The following PLCG1 variants were observed in gnomAD, a reference collection of about 807,000 sequenced individuals.
The protein encoded by PLCG1 is phospholipase C gamma 1.
Under a neutral mutation model 177.8 loss-of-function variants are expected in PLCG1, and 71 were observed. The observed-to-expected ratio is 0.40, with a 90% CI of 0.33 to 0.49. The LOEUF (loss-of-function observed/expected upper bound fraction) is 0.49. Ranked by LOEUF, PLCG1 falls within the 20% of genes least tolerant of loss-of-function variation. The pLI is 0.72. For synonymous variants in PLCG1, 658 were observed against 647.9 expected (o/e 1.02, Z -0.24); for missense variants, 1,281 against 1,709.0 (o/e 0.75, Z 4.42).
Position 41,164,301 on chromosome 20 carries a change from C to T in PLCG1, c.1217+100C>T. The T allele has an allele frequency of 1.7e-6, 2 of 1,186,576 alleles. No homozygotes were observed. Among genetic ancestry groups the T allele is most frequent in the South Asian group, 1.3e-5 (1 of 75,946 alleles). 73.5% of individuals were successfully genotyped at this position (1,186,576 alleles called of 1,614,324 possible). A position where few individuals can be genotyped will look rare whatever the true frequency, so the allele number is the denominator to read the frequency against. On this transcript the variant is annotated intron_variant, in intron 12 of 31. Coordinates refer to ENST00000685551, the MANE Select transcript of PLCG1 (RefSeq NM_002660.3). This position sits in a 1 kb window ranked among gnomAD's most constrained non-coding sequence, Gnocchi z 6.4. ...AGACTCCTCAAATGCCCTGTCCCCT[C>T]TCCCTCAGCCTTTCATCTTTGTCCT...
At chr20:41,140,539 C>G (rs1165375597) in intron 1 of PLCG1, among the ~76,000 whole-genome samples, 12 of 152,186 alleles carry the variant, frequency 7.9e-5, no homozygotes. Flanking sequence ...GAGGGAGAGA[C>G]AGTGTGGTTT....
chr20:41,165,466 A>G lies in PLCG1; in HGVS notation c.1526A>G (p.Tyr509Cys). Residue 509 changes from tyrosine (Y) to cysteine (C), a missense_variant, in exon 15 of 32, where the codon TAC (tyrosine) becomes TGC (cysteine). Tyr to Cys is a radical substitution (Grantham distance 194). Transcript: ENST00000685551. This position sits in a 1 kb window ranked among gnomAD's most constrained non-coding sequence, Gnocchi z 6.6. ...DPVNHEWYPH[Y>C]FVLTSSKIYY... ...CTGTTCCAGGAATGGTATCCCCACT[A>G]CTTTGTTCTGACCAGCAGCAAGATC... 1 of 1,613,988 alleles carries G rather than the reference A, an allele frequency of 6.2e-7. No individual in the cohort carries two copies. Among genetic ancestry groups the G allele is most frequent in the Non-Finnish European group, 8.5e-7 (1 of 1,179,944 alleles).
Position 41,146,905 on chromosome 20 carries a change from T to C in PLCG1, c.217+9047T>C, listed in dbSNP as rs1163073959. Among the ~76,000 whole-genome samples, 1 of 151,394 alleles carries C rather than the reference T, an allele frequency of 6.6e-6. No individual in the cohort carries two copies. Among genetic ancestry groups the C allele is most frequent in the Non-Finnish European group, 1.5e-5 (1 of 67,858 alleles). ...CAGGGTGACTAACCCTAGGAAGGAG[T>C]GAAGGAGAGCTCCAGTTGGCCATAG... On this transcript the variant is annotated intron_variant, in intron 1 of 31. Coordinates refer to ENST00000685551, the MANE Select transcript of PLCG1 (RefSeq NM_002660.3). The surrounding 1 kb of genome is among the most constrained non-coding windows in gnomAD (Gnocchi z 6.3).
chr20:41,173,616 A>G lies in PLCG1; in HGVS notation c.3395-36A>G, dbSNP rs2035972208. 1.2e-6 allele frequency: 2 copies of G among 1,614,002 alleles called. No homozygotes were observed. Among genetic ancestry groups the G allele is most frequent in the Non-Finnish European group, 1.7e-6 (2 of 1,179,980 alleles). ...CCCACCAGTCATCCCATCCTCTCCC[A>G]CGGTGACCTGAAGCCTTTTGTCGTT... On this transcript the variant is annotated intron_variant, in intron 28 of 31. Transcript: ENST00000685551. The surrounding 1 kb of genome is among the most constrained non-coding windows in gnomAD (Gnocchi z 6.2).
At position 41,159,865 on chromosome 20, in the gene PLCG1, C is replaced by T. The variant is rs942745630; in HGVS notation, c.371-5C>T. 4 of 1,613,904 alleles carry T rather than the reference C, an allele frequency of 2.5e-6. No individual in the cohort carries two copies. Among genetic ancestry groups the T allele is most frequent in the East Asian group, 2.2e-5 (1 of 44,894 alleles). ...TCGGGGCAGCTATTGATACCTTGCT[C>T]ACAGCCACATCTGAGGATGAAGTGA... is the stretch of plus-strand genomic sequence containing the variant. On this transcript the variant is annotated splice_region_variant and splice_polypyrimidine_tract_variant and intron_variant, in intron 2 of 31. Coordinates refer to ENST00000685551, the MANE Select transcript of PLCG1 (RefSeq NM_002660.3). This position sits in a 1 kb window ranked among gnomAD's most constrained non-coding sequence, Gnocchi z 6.0.
At position 41,163,270 on chromosome 20, in the gene PLCG1, CA is replaced by C; in HGVS notation, c.785del (p.Gln262ArgfsTer61). 1.9e-6 allele frequency: 3 copies of C among 1,567,438 alleles called. No homozygotes were observed. Among genetic ancestry groups the C allele is most frequent in the East Asian group, 2.2e-5 (1 of 44,510 alleles). On this transcript the variant is annotated frameshift_variant, in exon 8 of 32. Coordinates refer to ENST00000685551, the MANE Select transcript of PLCG1 (RefSeq NM_002660.3). LOFTEE classifies it high-confidence loss of function. This position sits in a 1 kb window ranked among gnomAD's most constrained non-coding sequence, Gnocchi z 5.2. ...PEFQQFLLDY[Q>X]GELWAVDRLQ... is the part of the protein sequence containing the mutation. ...GTTCCAGCAGTTCCTTCTTGACTAC[CA>C]GGGGGTATGGCTGGGCTGACATTGG...
chr20:41,145,961 T>C (rs956627787), intron 1 of PLCG1, among the ~76,000 whole-genome samples: 4 of 152,128 alleles, frequency 2.6e-5, no homozygotes, highest in African/African-American at 9.7e-5. Flanking sequence ...AGTCCTAGCT[T>C]TCTCCCCACT....
rs1161990776 is a variant in PLCG1 at position 41,174,239 on chromosome 20, A to G, written c.3761A>G (p.Tyr1254Cys). The change falls in exon 31 of 32, where the codon TAC (tyrosine) becomes TGC (cysteine). Residue 1254 changes from tyrosine (Y) to cysteine (C), a missense_variant. Around this residue, in one of 4 missense-constraint regions of PLCG1, gnomAD observed 153 missense variants for 153.2 expected, o/e 1.00. Coordinates refer to ENST00000685551, the MANE Select transcript of PLCG1 (RefSeq NM_002660.3). The surrounding 1 kb of genome is among the most constrained non-coding windows in gnomAD (Gnocchi z 5.8). ...RAREGSFESR[Y>C]QQPFEDFRIS... ...CGGGAAGGCTCCTTTGAATCCCGCT[A>G]CCAGCAGCCGTTTGAGGACTTCCGC... 3 of 1,614,066 alleles carry G rather than the reference A, an allele frequency of 1.9e-6. No homozygotes were observed. The highest frequency in any genetic ancestry group is 2.2e-5 in the South Asian group (2 of 91,094).
At position 41,137,855 on chromosome 20, in the gene PLCG1, G is replaced by A. The variant is rs754139169; in HGVS notation, c.214G>A (p.Ala72Thr). ...WSRGADKIEG[A>T]IDIREIKEIR... ...CCGGGGCGCCGACAAGATCGAGGGGGCCAGTAAGTGCGCCCACTTCCTGCC... is the reference window on the plus strand; with the variant it reads ...CCGGGGCGCCGACAAGATCGAGGGGACCAGTAAGTGCGCCCACTTCCTGCC... The change falls in exon 1 of 32, where the codon GCC becomes ACC. Residue 72 changes from alanine to threonine, a missense_variant. Physicochemically the swap from Ala to Thr is moderately conservative, Grantham distance 58 (BLOSUM62 0). Around this residue, in one of 4 missense-constraint regions of PLCG1, gnomAD observed 374 missense variants for 443.8 expected, o/e 0.84. Coordinates refer to ENST00000685551, the MANE Select transcript of PLCG1 (RefSeq NM_002660.3). The surrounding 1 kb of genome is among the most constrained non-coding windows in gnomAD (Gnocchi z 7.3). 2.7e-4 allele frequency: 350 copies of A among 1,277,842 alleles called. No individual in the cohort carries two copies. Among genetic ancestry groups the A allele is most frequent in the Admixed American group, 4.0e-4 (11 of 27,658 alleles). 79.2% of individuals were successfully genotyped at this position (1,277,842 alleles called of 1,614,324 possible).
At position 41,167,255 on chromosome 20, in the gene PLCG1, G is replaced by A. The variant is rs967757978; in HGVS notation, c.2301+396G>A. Reference sequence around the variant, plus strand: ...CCTCCGCCTGGTGGATGGTATGGAGGGCAGAGCCACAGGAGGTGAGACCAG... The same window carrying A: ...CCTCCGCCTGGTGGATGGTATGGAGAGCAGAGCCACAGGAGGTGAGACCAG... On this transcript the variant is annotated intron_variant, in intron 19 of 31. Coordinates refer to ENST00000685551, the MANE Select transcript of PLCG1 (RefSeq NM_002660.3). This position sits in a 1 kb window ranked among gnomAD's most constrained non-coding sequence, Gnocchi z 4.4. Among the ~76,000 whole-genome samples, 8 of 152,118 alleles carry A rather than the reference G, an allele frequency of 5.3e-5. No homozygotes were observed.
rs2034651216 is a variant in PLCG1 at position 41,137,890 on chromosome 20, C to T, written c.217+32C>T. 9 of 1,231,386 alleles carry T rather than the reference C, an allele frequency of 7.3e-6. 1 individual carries two copies. The highest frequency in any genetic ancestry group is 6.2e-6 in the Non-Finnish European group (6 of 972,398). The allele number at this position is 1,231,386 out of a possible 1,614,324, so 76.3% of individuals were successfully genotyped here. On this transcript the variant is annotated intron_variant, in intron 1 of 31. Transcript: ENST00000685551. This position sits in a 1 kb window ranked among gnomAD's most constrained non-coding sequence, Gnocchi z 7.3. Reference sequence around the variant, plus strand: ...GCGCCCACTTCCTGCCTGGGCCCGCCCCGCGCGGGGGTCGTGGGAGCCCGG... The same window carrying T: ...GCGCCCACTTCCTGCCTGGGCCCGCTCCGCGCGGGGGTCGTGGGAGCCCGG...
intron 4 of PLCG1, 132 bp from the exon 5 acceptor site, chr20:41,162,320 C>G: frequency 1.9e-6 from 1 of 513,528 alleles, no homozygotes; most frequent in Non-Finnish European, 3.6e-6. Context: ...GGTTCTGATC[C>G]AGTCTTGCCC....
intron 1 of PLCG1, among the ~76,000 whole-genome samples, chr20:41,139,371 C>CAGTA (rs1386554717): frequency 6.6e-6 from 1 of 152,194 alleles, no homozygotes. Context: ...GGTCCCCTTC[C>CAGTA]TTACTCCCTA....
chr20:41,145,743 T>C (rs1356410817), intron 1 of PLCG1, among the ~76,000 whole-genome samples: 2 of 152,176 alleles, frequency 1.3e-5, no homozygotes, highest in East Asian at 3.9e-4. Flanking sequence ...CCGAATATTC[T>C]GTAGTTTTGG....
At chr20:41,143,007 C>T (rs2034879095) in intron 1 of PLCG1, among the ~76,000 whole-genome samples, 1 of 152,218 alleles carries the variant, frequency 6.6e-6, no homozygotes, top group African/African-American at 2.4e-5. Context: ...TCCTCTCTTG[C>T]AGCTCTCAGC....
intron 24 of PLCG1, chr20:41,170,471 T>C: frequency 1.7e-6 from 1 of 578,954 alleles, no homozygotes; most frequent in Non-Finnish European, 3.1e-6. Flanking sequence ...TTGTGTTGAG[T>C]TTGAGATACT....
chr20:41,165,846 T>A lies in PLCG1; in HGVS notation c.1799+20T>A, dbSNP rs1463182131. ...TTTCTGGTAACACTTCCCATGCAGA[T>A]GCGTATGTTCAGTCAGCGTGTGTAC... On this transcript the variant is annotated intron_variant, in intron 16 of 31. Transcript: ENST00000685551. This position sits in a 1 kb window ranked among gnomAD's most constrained non-coding sequence, Gnocchi z 6.6. 6.4e-7 allele frequency: 1 copy of A among 1,552,896 alleles called. No individual in the cohort carries two copies. Among genetic ancestry groups the A allele is most frequent in the African/African-American group, 1.4e-5 (1 of 73,286 alleles).
intron 1 of PLCG1, among the ~76,000 whole-genome samples, chr20:41,155,219 A>C (rs1439092241): frequency 6.6e-6 from 1 of 152,236 alleles, no homozygotes; most frequent in Non-Finnish European, 1.5e-5. Flanking sequence ...GGCAGCAGGC[A>C]CATTTCCTTC....
rs75973782 is a variant in PLCG1 at position 41,173,358 on chromosome 20, C to T, written c.3280-62C>T. The stretch of plus-strand genomic sequence containing the variant: ...ACTCCACAGATGCTGACTGAGCCTC[C>T]GCAGTGGGGAATTGGAGGGAGCAGG... On this transcript the variant is annotated intron_variant, in intron 27 of 31. Transcript: ENST00000685551. This position sits in a 1 kb window ranked among gnomAD's most constrained non-coding sequence, Gnocchi z 6.2. The T allele has an allele frequency of 7.4e-4, 1,086 of 1,470,334 alleles. 7 individuals carry two copies. The African/African-American group carries it at 0.014, about 18-fold the overall frequency. 91.1% of individuals were successfully genotyped at this position (1,470,334 alleles called of 1,614,324 possible). A position where few individuals can be genotyped will look rare whatever the true frequency, so the allele number is the denominator to read the frequency against.
Sources: gnomAD v4.1 joint callset for allele counts (sites outside exome capture counted in the v4.1 genomes callset) on GRCh38, gnomAD v4.1.1 for gene constraint, gnomAD v4.1.1 regional missense constraint, Gnocchi (gnomAD v3.1) non-coding constraint, MANE v1.5 for transcripts, NCBI Gene and HGNC (gene_info 2026-07-23, HGNC 2026-07-21) for gene names.